Variants in SV2C observed in about 807,000 individuals in gnomAD.
SV2C encodes synaptic vesicle glycoprotein 2C, also known as solute carrier family 22 member B3.
SV2C carries 49 observed loss-of-function variants against 79.7 expected under a neutral mutation model. The observed-to-expected ratio is 0.61, with a 90% CI of 0.49 to 0.78. The LOEUF is 0.78. Ranked by LOEUF, SV2C falls within the 30% of genes least tolerant of loss-of-function variation. SV2C has a pLI of 0.00. For synonymous variants in SV2C, 334 were observed against 333.2 expected (o/e 1.00, Z -0.03); for missense variants, 833 against 912.9 (o/e 0.91, Z 1.13).
chr5:76,062,582 G>C, the SV2C span, among the ~76,000 whole-genome samples: 4 of 150,980 alleles, frequency 2.6e-5, no homozygotes, highest in Non-Finnish European at 5.9e-5. Context: ...GACTAAGACA[G>C]ATGTTTACAT....
chr5:76,235,694 A>AT (rs199558248), intron 4 of SV2C, among the ~76,000 whole-genome samples: 1 of 145,058 alleles, frequency 6.9e-6, no homozygotes. Flanking sequence ...AGGGATTAAG[A>AT]TTTTTTTTCA....
rs1043072845 is a variant in SV2C at position 76,285,058 on chromosome 5, G to T, written c.914-104G>T. 6 of 1,514,570 alleles carry T rather than the reference G, an allele frequency of 4.0e-6. No homozygotes were observed. The East Asian group carries it at 1.1e-4, about 28-fold the overall frequency. 93.8% of individuals were successfully genotyped at this position (1,514,570 alleles called of 1,614,324 possible). A position where few individuals can be genotyped will look rare whatever the true frequency, so the allele number is the denominator to read the frequency against. On this transcript the variant is annotated intron_variant, in intron 4 of 12. Transcript: ENST00000502798. The stretch of plus-strand genomic sequence containing the variant: ...AGATCAGCTCACTGCTCTGTGGATA[G>T]TAAGACTTGACTAATAAGTCCATGG...
chr5:75,852,794 C>A, the SV2C span, among the ~76,000 whole-genome samples: 1 of 145,640 alleles, frequency 6.9e-6, no homozygotes, highest in East Asian at 2.0e-4. Context: ...CAACTGCACT[C>A]CAGCCTGGGC....
chr5:76,209,609 T>A (rs1179656279), intron 3 of SV2C, 127 bp from the exon 4 acceptor site: 1 of 911,582 alleles, frequency 1.1e-6, no homozygotes, highest in Non-Finnish European at 1.6e-6. Flanking sequence ...ATAGAAAATA[T>A]ATGTTTGTTG....
the SV2C span, among the ~76,000 whole-genome samples, chr5:75,943,591 T>A: frequency 1.3e-5 from 2 of 152,200 alleles, no homozygotes; most frequent in African/African-American, 2.4e-5. Flanking sequence ...CAAAATGAAC[T>A]GCCCCATCTG....
At chr5:76,099,601 T>A (rs1368592832) in intron 1 of SV2C, among the ~76,000 whole-genome samples, 1 of 152,208 alleles carries the variant, frequency 6.6e-6, no homozygotes, top group African/African-American at 2.4e-5. Flanking sequence ...CATAGCAGTT[T>A]TCACTGTGTC....
chr5:76,304,245 A>T (rs1308515018), intron 12 of SV2C, among the ~76,000 whole-genome samples: 2 of 152,250 alleles, frequency 1.3e-5, no homozygotes, highest in Non-Finnish European at 2.9e-5. Flanking sequence ...GTGATCTAGA[A>T]GATGACTTGT....
the SV2C span, among the ~76,000 whole-genome samples, chr5:75,996,421 G>A: frequency 1.3e-5 from 2 of 152,166 alleles, no homozygotes; most frequent in Non-Finnish European, 2.9e-5. Context: ...GTAGCATGAT[G>A]CCTCCAGCTT....
In SV2C at chr5:76,329,871, A is replaced by G. The variant is rs1467820480; in HGVS notation, c.*4324A>G. 1.3e-5 allele frequency: 2 copies of G among 152,180 alleles called. No homozygotes were observed. Among genetic ancestry groups the G allele is most frequent in the Admixed American group, 6.5e-5 (1 of 15,284 alleles). 9.4% of individuals were successfully genotyped at this position (152,180 alleles called of 1,614,324 possible). On this transcript the variant is annotated 3_prime_UTR_variant, in exon 13 of 13. Coordinates refer to ENST00000502798, the MANE Select transcript of SV2C (RefSeq NM_014979.4). ...AACTGGGATATTGGTGTTAAGGGGC[A>G]TATCGGCTGTATGTTAGGTTTTCTT...
At chr5:76,237,732 C>T (rs1745654246) in intron 4 of SV2C, among the ~76,000 whole-genome samples, 1 of 152,084 alleles carries the variant, frequency 6.6e-6, no homozygotes, top group Non-Finnish European at 1.5e-5. Flanking sequence ...CATTCTACCT[C>T]AGAATGTTTG....
At chr5:75,885,682 TG>T in the SV2C span, among the ~76,000 whole-genome samples, 1 of 152,142 alleles carries the variant, frequency 6.6e-6, no homozygotes, top group African/African-American at 2.4e-5. Context: ...CCCAAGTAGC[TG>T]GGACTACAGG....
chr5:76,277,366 G>A (rs952323918), intron 4 of SV2C, among the ~76,000 whole-genome samples: 2 of 152,050 alleles, frequency 1.3e-5, no homozygotes, highest in Non-Finnish European at 2.9e-5. Context: ...CTGGTGAGTG[G>A]ATAAACTAAA....
chr5:76,195,113 C>G lies in SV2C; in HGVS notation c.761+14C>G, dbSNP rs780686289. ...TTCTGGATTCGGGTAAGGTTTTCTCCTTCATATTTTATAGTAATGTGTTTA... is the reference window on the plus strand; with the variant it reads ...TTCTGGATTCGGGTAAGGTTTTCTCGTTCATATTTTATAGTAATGTGTTTA... On this transcript the variant is annotated intron_variant, in intron 3 of 12. Coordinates refer to ENST00000502798, the MANE Select transcript of SV2C (RefSeq NM_014979.4). The G allele has an allele frequency of 6.2e-7, 1 of 1,609,594 alleles. No individual in the cohort carries two copies. Among genetic ancestry groups the G allele is most frequent in the South Asian group, 1.1e-5 (1 of 90,262 alleles).
intron 4 of SV2C, among the ~76,000 whole-genome samples, chr5:76,257,532 G>A (rs1380306448): frequency 3.3e-5 from 5 of 150,644 alleles, no homozygotes; most frequent in South Asian, 2.1e-4. Context: ...GTGTATGAGC[G>A]TGTGGTGTAT....
chr5:76,019,559 C>G, the SV2C span, among the ~76,000 whole-genome samples: 1,717 of 152,234 alleles, frequency 0.011, 42 homozygotes, highest in African/African-American at 0.04. Context: ...TTCCTTCTCT[C>G]TACCTACAGT....
chr5:75,910,280 T>G, the SV2C span: 71 of 492,976 alleles, frequency 1.4e-4, no homozygotes, highest in African/African-American at 1.2e-3. Context: ...AATAAAAAAT[T>G]AGTTTTCCAT....
the SV2C span, among the ~76,000 whole-genome samples, chr5:76,020,353 C>T: frequency 2.6e-5 from 4 of 152,146 alleles, no homozygotes; most frequent in African/African-American, 9.7e-5. Flanking sequence ...GACCAATGGC[C>T]ATTGTATGTT....
Position 76,152,263 on chromosome 5 carries a change from C to CA in SV2C, c.580+19934dup, listed in dbSNP as rs1390985046. Among the ~76,000 whole-genome samples, 3 of 152,162 alleles carry CA rather than the reference C, an allele frequency of 2.0e-5. No homozygotes were observed. In the East Asian group the frequency reaches 5.8e-4, roughly 29 times the overall value. ...GATTTTTAAAGGGAAGGAAACAAGT[C>CA]AGTGTTTAAACATTGGTTACAAGGT... On this transcript the variant is annotated intron_variant, in intron 2 of 12. Coordinates refer to ENST00000502798, the MANE Select transcript of SV2C (RefSeq NM_014979.4).
At chr5:76,006,883 T>C in the SV2C span, among the ~76,000 whole-genome samples, 1,376 of 152,280 alleles carry the variant, frequency 9.0e-3, 23 homozygotes, top group African/African-American at 0.032. Flanking sequence ...TATCCAAATT[T>C]CACTCACTCT....
Sources: allele counts gnomAD v4.1 joint callset (sites outside exome capture counted in the v4.1 genomes callset), GRCh38; gene constraint gnomAD v4.1.1; transcripts MANE v1.5; gene names NCBI Gene and HGNC (gene_info 2026-07-23, HGNC 2026-07-21).